Variants in ELOVL7 observed in about 807,000 individuals in gnomAD.
ELOVL7 encodes very long chain fatty acid elongase 7.
Under a neutral mutation model 35.7 loss-of-function variants are expected in ELOVL7, and 27 were observed. The ratio of observed to expected loss-of-function variants is 0.76; its 90% CI spans 0.56 to 1.04. The LOEUF (loss-of-function observed/expected upper bound fraction) is 1.04, where lower values mean the gene tolerates loss of function less well. Ranked by LOEUF, ELOVL7 falls within the 50% of genes least tolerant of loss-of-function variation. ELOVL7 has a pLI of 0.00. For missense variants in ELOVL7, 327 were observed against 340.8 expected (o/e 0.96, Z 0.32); for synonymous variants, 113 against 114.6 (o/e 0.99, Z 0.09).
intron 4 of ELOVL7, among the ~76,000 whole-genome samples, chr5:60,769,247 C>G (rs1174835553): frequency 1.3e-5 from 2 of 152,178 alleles, no homozygotes; most frequent in Middle Eastern, 3.2e-3. Context: ...TTATAAAATC[C>G]TACTGTCAGT....
intron 3 of ELOVL7, among the ~76,000 whole-genome samples, chr5:60,784,683 G>A (rs903956719): frequency 3.9e-5 from 6 of 152,144 alleles, no homozygotes; most frequent in Admixed American, 2.6e-4. Context: ...TCCAGGGTAA[G>A]CAGACTAAAA....
At chr5:60,797,271 C>A (rs1744320439) in intron 2 of ELOVL7, among the ~76,000 whole-genome samples, 1 of 152,198 alleles carries the variant, frequency 6.6e-6, no homozygotes, top group East Asian at 1.9e-4. Flanking sequence ...CCACCTATTA[C>A]ACAGGATTTT....
At chr5:60,772,180 A>G in intron 3 of ELOVL7, 87 bp from the exon 4 acceptor site, 1 of 779,926 alleles carries the variant, frequency 1.3e-6, no homozygotes, top group Non-Finnish European at 2.0e-6. Context: ...GAGCACCCAG[A>G]TCCTACTATT....
At chr5:60,791,995 A>G (rs564548089) in intron 2 of ELOVL7, among the ~76,000 whole-genome samples, 2 of 152,034 alleles carry the variant, frequency 1.3e-5, no homozygotes, top group African/African-American at 4.8e-5. Context: ...AAGAAACCAC[A>G]CTCTAATGCA....
intron 1 of ELOVL7, among the ~76,000 whole-genome samples, chr5:60,838,637 A>C (rs1283043934): frequency 6.6e-6 from 1 of 152,220 alleles, no homozygotes; most frequent in African/African-American, 2.4e-5. Context: ...TGGCTTAAGT[A>C]GCTGCTTATC....
chr5:60,772,033 C>G lies in ELOVL7; in HGVS notation c.125G>C (p.Gly42Ala). 6.2e-7 allele frequency: 1 copy of G among 1,613,606 alleles called. No individual in the cohort carries two copies. Among genetic ancestry groups the G allele is most frequent in the Non-Finnish European group, 8.5e-7 (1 of 1,179,780 alleles). ...SSPLPQTILL[G>A]FYVYFVTSLG... ...GGAAGTGACAAAATAGACATAGAAT[C>G]CTAGGAGGATGGTTTGTGGCAGAGG... The change falls in exon 4 of 9, where the codon GGA (glycine) becomes GCA (alanine). Residue 42 changes from glycine (G) to alanine (A), a missense_variant. Gly to Ala is a moderately conservative substitution (Grantham distance 60). Coordinates refer to ENST00000508821, the MANE Select transcript of ELOVL7 (RefSeq NM_024930.3).
At chr5:60,837,333 T>TGGGGG (rs1746885545) in intron 1 of ELOVL7, among the ~76,000 whole-genome samples, 3 of 53,546 alleles carry the variant, frequency 5.6e-5, no homozygotes, top group Non-Finnish European at 1.0e-4. Flanking sequence ...GAGTGGGGGG[T>TGGGGG]GGGGGTGGCG....
At chr5:60,764,186 ATGT>A (rs1561423283) in intron 7 of ELOVL7, 38 bp downstream of exon 7, 3 of 1,319,908 alleles carry the variant, frequency 2.3e-6, no homozygotes, top group Non-Finnish European at 3.3e-6. Flanking sequence ...GCATATAGAA[ATGT>A]TGTTTATAAC....
intron 1 of ELOVL7, among the ~76,000 whole-genome samples, chr5:60,825,654 G>C (rs1746127860): frequency 1.3e-5 from 2 of 152,118 alleles, no homozygotes; most frequent in Non-Finnish European, 2.9e-5. Context: ...GCAGTGTATG[G>C]GCCTGAGGTT....
intron 1 of ELOVL7, among the ~76,000 whole-genome samples, chr5:60,834,175 T>C (rs894537630): frequency 7.2e-5 from 11 of 152,264 alleles, no homozygotes; most frequent in African/African-American, 2.6e-4. Context: ...GGAGTCTCGC[T>C]CTGTCGCCCA....
chr5:60,831,008 A>C (rs1405838660), intron 1 of ELOVL7, among the ~76,000 whole-genome samples: 1 of 152,136 alleles, frequency 6.6e-6, no homozygotes, highest in Non-Finnish European at 1.5e-5. Flanking sequence ...AAATGAGGAG[A>C]AATGACTTCT....
intron 1 of ELOVL7, among the ~76,000 whole-genome samples, chr5:60,818,319 G>GAAA (rs60141189): frequency 4.3e-5 from 3 of 70,574 alleles, no homozygotes; most frequent in South Asian, 5.9e-4. Flanking sequence ...TTCCATCTCA[G>GAAA]AAAAAAAAAA....
chr5:60,810,986 A>T (rs1164826056), intron 1 of ELOVL7, among the ~76,000 whole-genome samples: 1 of 152,162 alleles, frequency 6.6e-6, no homozygotes, highest in African/African-American at 2.4e-5. Flanking sequence ...TAAATAAGGT[A>T]TATTTATCTG....
At chr5:60,759,336 GTCT>G (rs1361215112) in intron 7 of ELOVL7, among the ~76,000 whole-genome samples, 1 of 152,146 alleles carries the variant, frequency 6.6e-6, no homozygotes, top group Non-Finnish European at 1.5e-5. Context: ...ATTTGGAATG[GTCT>G]TCTTTCCCAA....
At chr5:60,823,037 G>A (rs2112358619) in intron 1 of ELOVL7, among the ~76,000 whole-genome samples, 1 of 152,296 alleles carries the variant, frequency 6.6e-6, no homozygotes, top group Admixed American at 6.5e-5. Context: ...TGTTCACGAA[G>A]CCTGGTGGTG....
chr5:60,774,149 C>T (rs1214500409), intron 3 of ELOVL7, among the ~76,000 whole-genome samples: 2 of 152,124 alleles, frequency 1.3e-5, no homozygotes, highest in Non-Finnish European at 2.9e-5. Context: ...CCAGTATCAT[C>T]CTGACACCAA....
rs555245432 is a variant in ELOVL7, at chr5:60,824,166, T to C, written c.-86+19994A>G. Among the ~76,000 whole-genome samples the C allele has an allele frequency of 8.5e-5, 13 of 152,172 alleles. No individual in the cohort carries two copies. In the South Asian group the frequency reaches 1.5e-3, roughly 17 times the overall value. ...GGGCTTTGCCAGGTAAATATGGAAG[T>C]AGGATAAATAAAAAATTCAGACACC... On this transcript the variant is annotated intron_variant, in intron 1 of 8. Transcript: ENST00000508821.
chr5:60,774,649 C>CAAGAGA (rs1245546777), intron 3 of ELOVL7, among the ~76,000 whole-genome samples: 1 of 151,350 alleles, frequency 6.6e-6, no homozygotes, highest in African/African-American at 2.4e-5. Flanking sequence ...AGCAATCAGG[C>CAAGAGA]AAGAGAAAGA....
intron 1 of ELOVL7, among the ~76,000 whole-genome samples, 151 bp downstream of exon 1, chr5:60,844,009 G>A (rs1237309982): frequency 1.3e-5 from 2 of 152,036 alleles, no homozygotes; most frequent in African/African-American, 2.4e-5. Context: ...CCCCGCACCC[G>A]GGTCCCACTT....
Sources: allele counts gnomAD v4.1 joint callset (sites outside exome capture counted in the v4.1 genomes callset), GRCh38; gene constraint gnomAD v4.1.1; transcripts MANE v1.5; gene names NCBI Gene and HGNC (gene_info 2026-07-23, HGNC 2026-07-21).